CD96: variants seen among roughly 807,000 people sequenced by gnomAD.
CD96 encodes T-cell surface protein tactile.
In CD96, 70 loss-of-function variants were observed where a neutral mutation model predicts 71.3. That is an observed-to-expected ratio of 0.98 (90% CI 0.81 to 1.20). The LOEUF (loss-of-function observed/expected upper bound fraction) is 1.20, where lower values mean the gene tolerates loss of function less well. CD96 is among the 50% of genes most tolerant of loss of function. The pLI is 0.00. For synonymous variants in CD96, 248 were observed against 233.0 expected (o/e 1.06, Z -0.59); for missense variants, 742 against 677.5 (o/e 1.10, Z -1.06).
At chr3:111,553,644 T>C (rs1934840948) in intron 2 of CD96, among the ~76,000 whole-genome samples, 1 of 151,954 alleles carries the variant, frequency 6.6e-6, no homozygotes, top group African/African-American at 2.4e-5. Context: ...CATCAACTTA[T>C]TATTTATTTG....
chr3:111,614,707 G>A (rs79924222), intron 8 of CD96, among the ~76,000 whole-genome samples: 2,955 of 152,188 alleles, frequency 0.019, 37 homozygotes, highest in East Asian at 0.03. Flanking sequence ...CACCAGTGTG[G>A]CCCTGTCTCT....
chr3:111,600,627 C>T (rs910160187), intron 6 of CD96, 99 bp from the exon 7 acceptor site: 18 of 913,698 alleles, frequency 2.0e-5, no homozygotes, highest in Non-Finnish European at 3.2e-5. Context: ...CCACTTTAGA[C>T]TCTACATTAC....
intron 8 of CD96, among the ~76,000 whole-genome samples, chr3:111,615,910 AT>A (rs1163961449): frequency 6.6e-6 from 1 of 152,158 alleles, no homozygotes; most frequent in Admixed American, 6.5e-5. Flanking sequence ...GATTTCTCTC[AT>A]CTCAGGGCCT....
At chr3:111,607,761 G>A (rs1937693541) in intron 8 of CD96, among the ~76,000 whole-genome samples, 1 of 152,150 alleles carries the variant, frequency 6.6e-6, no homozygotes, top group South Asian at 2.1e-4. Flanking sequence ...AGAAAAGCTT[G>A]CAAACCACCC....
chr3:111,550,910 C>G (rs955598725), intron 2 of CD96, among the ~76,000 whole-genome samples: 25 of 152,098 alleles, frequency 1.6e-4, no homozygotes, highest in Non-Finnish European at 5.9e-5. Context: ...CTGCTTGAGT[C>G]TGGGCATTAA....
downstream of CD96, among the ~76,000 whole-genome samples, chr3:111,657,132 G>T (rs962741796): frequency 2.7e-4 from 41 of 151,916 alleles, no homozygotes; most frequent in African/African-American, 9.9e-4. Context: ...TAGTTTTTAG[G>T]AAAAACTAAT....
chr3:111,632,489 G>A (rs987684816), intron 10 of CD96, among the ~76,000 whole-genome samples: 2 of 152,144 alleles, frequency 1.3e-5, no homozygotes, highest in African/African-American at 4.8e-5. Flanking sequence ...ATGAGGGTGT[G>A]GAGAAAAAGG....
Position 111,647,563 on chromosome 3 carries a change from A to C in CD96, c.1498A>C (p.Lys500Gln). ...TTCAGGTATTGTGGTCAATAAGCCC[A>C]AAGATGGAATGTCCTGGCCAGTGAT... ...HITGIVVNKP[K>Q]DGMSWPVIVA... Residue 500 changes from lysine to glutamine, a missense_variant, in exon 13 of 14, where the codon AAA (lysine) becomes CAA (glutamine). Transcript: ENST00000352690. 2 of 1,612,468 alleles carry C rather than the reference A, an allele frequency of 1.2e-6. No homozygotes were observed. The highest frequency in any genetic ancestry group is 1.7e-6 in the Non-Finnish European group (2 of 1,178,560).
In CD96 at chr3:111,567,055, G is replaced by A. The variant is rs142920690; in HGVS notation, c.419-468G>A. Among the ~76,000 whole-genome samples, 359 of 152,240 alleles carry A rather than the reference G, an allele frequency of 2.4e-3. 2 individuals are homozygous for A. The highest frequency in any genetic ancestry group is 8.5e-3 in the African/African-American group (352 of 41,546). On this transcript the variant is annotated intron_variant, in intron 2 of 13. Transcript: ENST00000352690. ...GCTGTGGAACAGGATGTCCACAGTG[G>A]GGGAGGCTGTGGGTGGGTAGAGGTA...
At chr3:111,603,674 A>T (rs1004621768) in intron 7 of CD96, among the ~76,000 whole-genome samples, 9 of 152,152 alleles carry the variant, frequency 5.9e-5, no homozygotes, top group Non-Finnish European at 1.0e-4. Flanking sequence ...TATTAAATGG[A>T]TTTCTGACTG....
intron 3 of CD96, among the ~76,000 whole-genome samples, chr3:111,578,403 C>T (rs983004258): frequency 1.3e-5 from 2 of 152,190 alleles, no homozygotes; most frequent in African/African-American, 4.8e-5. Flanking sequence ...CTAACACAAA[C>T]ACAGAAGAAA....
At chr3:111,556,277 A>T (rs1172615991) in intron 2 of CD96, among the ~76,000 whole-genome samples, 1 of 149,708 alleles carries the variant, frequency 6.7e-6, no homozygotes, top group Admixed American at 6.6e-5. Flanking sequence ...ATATGTATAC[A>T]TGTGCCGTGC....
intron 1 of CD96, among the ~76,000 whole-genome samples, chr3:111,544,632 A>G (rs553425408): frequency 2.0e-5 from 3 of 152,320 alleles, no homozygotes; most frequent in Admixed American, 6.5e-5. Context: ...CAGTTTCAGA[A>G]AGCATCACGT....
chr3:111,551,396 A>T (rs1934692944), intron 2 of CD96, among the ~76,000 whole-genome samples: 1 of 152,188 alleles, frequency 6.6e-6, no homozygotes, highest in Admixed American at 6.5e-5. Flanking sequence ...TGCAGTCTAC[A>T]TAAAAACATT....
At chr3:111,619,762 G>C (rs1219575146) in intron 8 of CD96, among the ~76,000 whole-genome samples, 1 of 152,208 alleles carries the variant, frequency 6.6e-6, no homozygotes, top group East Asian at 1.9e-4. Context: ...ATGATATCAA[G>C]AGACAGTCAG....
At chr3:111,550,927 C>T (rs530928080) in intron 2 of CD96, among the ~76,000 whole-genome samples, 42 of 152,078 alleles carry the variant, frequency 2.8e-4, no homozygotes, top group Non-Finnish European at 5.7e-4. Flanking sequence ...TTAAAAAGTA[C>T]ATAGTGCCAC....
At chr3:111,579,800 A>G (rs1399815651) in intron 4 of CD96, among the ~76,000 whole-genome samples, 1 of 152,212 alleles carries the variant, frequency 6.6e-6, no homozygotes, top group African/African-American at 2.4e-5. Flanking sequence ...AGACCTCATG[A>G]TTCAATCACC....
chr3:111,655,121 G>A (rs1222830303), downstream of CD96, among the ~76,000 whole-genome samples: 2 of 152,166 alleles, frequency 1.3e-5, no homozygotes, highest in Non-Finnish European at 2.9e-5. Context: ...AGATAATTGG[G>A]TTGCATTGGA....
intron 14 of CD96, among the ~76,000 whole-genome samples, chr3:111,658,566 A>G (rs906742580): frequency 3.9e-5 from 6 of 152,230 alleles, no homozygotes; most frequent in African/African-American, 1.4e-4. Context: ...GCCTCCCTGT[A>G]AAATCTTATT....
Sources: allele counts gnomAD v4.1 joint callset (sites outside exome capture counted in the v4.1 genomes callset), GRCh38; gene constraint gnomAD v4.1.1; transcripts MANE v1.5; gene names NCBI Gene and HGNC (gene_info 2026-07-23, HGNC 2026-07-21).